The following SRGAP1 variants were observed in gnomAD, a reference collection of about 807,000 sequenced individuals.
The protein encoded by SRGAP1 is SLIT-ROBO Rho GTPase-activating protein 1.
A neutral mutation model predicts 121.9 loss-of-function variants in SRGAP1; 43 were observed. That is an observed-to-expected ratio of 0.35 (90% CI 0.28 to 0.46). The LOEUF is 0.46. Ranked by LOEUF, SRGAP1 falls within the 20% of genes least tolerant of loss-of-function variation. SRGAP1 has a pLI of 1.00. For synonymous variants in SRGAP1, 447 were observed against 485.4 expected (o/e 0.92, Z 1.04); for missense variants, 1,102 against 1,350.9 (o/e 0.82, Z 2.89).
At chr12:64,089,675 C>T (rs1337308873) in intron 11 of SRGAP1, among the ~76,000 whole-genome samples, 2 of 152,102 alleles carry the variant, frequency 1.3e-5, no homozygotes, top group Admixed American at 1.3e-4. Flanking sequence ...AAATTTCATC[C>T]GTGGCAGGAG....
intron 1 of SRGAP1, among the ~76,000 whole-genome samples, chr12:63,862,946 A>T (rs1899504146): frequency 6.6e-6 from 1 of 152,168 alleles, no homozygotes; most frequent in East Asian, 1.9e-4. Context: ...CTGTTCTTAG[A>T]GGAGAGGTAG....
intron 1 of SRGAP1, among the ~76,000 whole-genome samples, chr12:63,964,903 A>G (rs1279007384): frequency 1.3e-5 from 2 of 152,210 alleles, no homozygotes; most frequent in East Asian, 3.8e-4. Flanking sequence ...ATCTGGATCC[A>G]TTGATCTCGC....
chr12:63,952,367 T>C (rs1458333404), intron 1 of SRGAP1, among the ~76,000 whole-genome samples: 1 of 152,124 alleles, frequency 6.6e-6, no homozygotes, highest in Non-Finnish European at 1.5e-5. Context: ...TTTTTTTTAA[T>C]TAGCCAGATA....
At chr12:63,949,501 C>T (rs1463855653) in intron 1 of SRGAP1, among the ~76,000 whole-genome samples, 7 of 150,542 alleles carry the variant, frequency 4.6e-5, no homozygotes, top group Non-Finnish European at 7.4e-5. Context: ...GATGTTGGCT[C>T]ACTGCAAACT....
At chr12:63,853,527 A>G (rs1899143804) in intron 1 of SRGAP1, among the ~76,000 whole-genome samples, 1 of 152,192 alleles carries the variant, frequency 6.6e-6, no homozygotes, top group Admixed American at 6.5e-5. Context: ...AATTGTTTTT[A>G]TAATAATTGA....
intron 1 of SRGAP1, among the ~76,000 whole-genome samples, chr12:63,919,141 C>G (rs1424030903): frequency 6.6e-6 from 1 of 152,090 alleles, no homozygotes; most frequent in African/African-American, 2.4e-5. Flanking sequence ...CAACCTCCGC[C>G]TCACGGATTG....
rs1380453347 is a variant in SRGAP1, at chr12:63,863,562, G to A, written c.67+18679G>A. On this transcript the variant is annotated intron_variant, in intron 1 of 21. Transcript: ENST00000355086. ...GCTGGGATTATAGGCGTGAGCCACC[G>A]CGCCCAGCCACAGTTGCTCCATTTT... Among the ~76,000 whole-genome samples the A allele has an allele frequency of 3.9e-5, 6 of 152,246 alleles. No individual in the cohort carries two copies. The East Asian group carries it at 9.7e-4, about 25-fold the overall frequency.
chr12:63,870,007 G>A (rs1188128142), intron 1 of SRGAP1, among the ~76,000 whole-genome samples: 1 of 152,166 alleles, frequency 6.6e-6, no homozygotes, highest in Non-Finnish European at 1.5e-5. Flanking sequence ...GTCCAAACCT[G>A]TGCTGGAACC....
At chr12:63,987,609 CT>C (rs1173545204) in intron 2 of SRGAP1, among the ~76,000 whole-genome samples, 1 of 152,084 alleles carries the variant, frequency 6.6e-6, no homozygotes, top group Non-Finnish European at 1.5e-5. Flanking sequence ...GTAATCCCAG[CT>C]ACTTGGGAGG....
At chr12:63,958,854 C>A (rs192182256) in intron 1 of SRGAP1, among the ~76,000 whole-genome samples, 1 of 152,240 alleles carries the variant, frequency 6.6e-6, no homozygotes, top group African/African-American at 2.4e-5. Flanking sequence ...CCTCGGTGTT[C>A]TTTTTCTGCC....
At chr12:64,032,454 C>T in intron 4 of SRGAP1, 1 of 777,800 alleles carries the variant, frequency 1.3e-6, no homozygotes, top group South Asian at 1.5e-5. Flanking sequence ...GTTTGCCCCA[C>T]CATTGGATTG....
intron 15 of SRGAP1, 63 bp from the exon 16 acceptor site, chr12:64,108,869 G>A (rs2036386844): frequency 8.6e-7 from 1 of 1,166,502 alleles, no homozygotes; most frequent in Non-Finnish European, 1.2e-6. Flanking sequence ...TACATGTACT[G>A]CAGTGTTCTG....
intron 4 of SRGAP1, among the ~76,000 whole-genome samples, chr12:64,018,181 C>A (rs776440286): frequency 6.6e-6 from 1 of 152,102 alleles, no homozygotes; most frequent in South Asian, 2.1e-4. Flanking sequence ...CTCTGCCTCC[C>A]GGGTTTGAGC....
intron 1 of SRGAP1, among the ~76,000 whole-genome samples, chr12:63,947,476 T>C (rs2032086895): frequency 1.3e-5 from 2 of 152,218 alleles, no homozygotes; most frequent in African/African-American, 4.8e-5. Flanking sequence ...TTAATTTTGG[T>C]TTATGGTGTT....
At chr12:64,088,082 T>C (rs2035980602) in intron 11 of SRGAP1, among the ~76,000 whole-genome samples, 1 of 152,234 alleles carries the variant, frequency 6.6e-6, no homozygotes, top group African/African-American at 2.4e-5. Context: ...AACACTGGTA[T>C]ATCTGCTGCA....
chr12:64,039,322 C>T (rs974120322), intron 4 of SRGAP1, among the ~76,000 whole-genome samples: 1 of 152,094 alleles, frequency 6.6e-6, no homozygotes. Flanking sequence ...TTCTTTCCAG[C>T]GTTAGGTCAG....
intron 1 of SRGAP1, among the ~76,000 whole-genome samples, chr12:63,975,560 AT>A (rs1168232460): frequency 2.0e-5 from 3 of 152,244 alleles, no homozygotes; most frequent in African/African-American, 7.2e-5. Flanking sequence ...ACATGAATTA[AT>A]ATACAGATGA....
chr12:63,984,190 T>C, intron 2 of SRGAP1, 48 bp downstream of exon 2: 2 of 1,076,538 alleles, frequency 1.9e-6, no homozygotes, highest in Non-Finnish European at 2.5e-6. Flanking sequence ...ATATCCATAC[T>C]GCCTTTGCCA....
chr12:63,964,602 G>A (rs2032734977), intron 1 of SRGAP1, among the ~76,000 whole-genome samples: 1 of 151,920 alleles, frequency 6.6e-6, no homozygotes, highest in South Asian at 2.1e-4. Context: ...TACGCTTGAG[G>A]CCTATATAAC....
Sources: allele counts gnomAD v4.1 joint callset (sites outside exome capture counted in the v4.1 genomes callset), GRCh38; gene constraint gnomAD v4.1.1; transcripts MANE v1.5; gene names NCBI Gene and HGNC (gene_info 2026-07-23, HGNC 2026-07-21).